SEPTIN9: variants seen among roughly 807,000 people sequenced by gnomAD.
SEPTIN9 encodes septin-9.
Under a neutral mutation model 56.6 loss-of-function variants are expected in SEPTIN9, and 13 were observed. The observed-to-expected ratio is 0.23, with a 90% confidence interval of 0.15 to 0.37. SEPTIN9 has a LOEUF of 0.37. SEPTIN9 is among the 10% of genes least tolerant of loss of function. SEPTIN9 has a pLI of 1.00. For synonymous variants in SEPTIN9, 332 were observed against 334.1 expected, an observed-to-expected ratio of 0.99 and a Z score of 0.07; for missense variants, 650 against 823.1, an observed-to-expected ratio of 0.79 and a Z score of 2.57.
At chr17:77,366,751 G>A (rs543664025) in intron 2 of SEPTIN9, among the ~76,000 whole-genome samples, 1 of 152,316 alleles carries the variant, frequency 6.6e-6, no homozygotes, top group South Asian at 2.1e-4. Flanking sequence ...GAGCCAGCAG[G>A]CAGCAGGGCT....
In SEPTIN9 at chr17:77,477,952, C is replaced by T. The variant is rs145282614; in HGVS notation, c.722-4192C>T. Reference sequence around the variant, plus strand: ...AACCGTGTTCGTAGCAGGGCGAGGCCTGGAGGTGCGATGGGGATCTCAACG... The same window carrying T: ...AACCGTGTTCGTAGCAGGGCGAGGCTTGGAGGTGCGATGGGGATCTCAACG... On this transcript the variant is annotated intron_variant, in intron 3 of 11. Coordinates refer to ENST00000427177, the MANE Select transcript of SEPTIN9 (RefSeq NM_001113491.2). Among the ~76,000 whole-genome samples, 1,210 of 152,214 alleles carry T rather than the reference C, an allele frequency of 7.9e-3. 29 individuals are homozygous for T. In the South Asian group the frequency reaches 0.099, roughly 12 times the overall value.
In SEPTIN9 at chr17:77,445,539, TGC is replaced by T. The variant is rs992031430; in HGVS notation, c.722-36603_722-36602del. The T allele has an allele frequency of 2.4e-4, 96 of 393,232 alleles. No homozygotes were observed. The highest frequency in any genetic ancestry group is 6.4e-4 in the Admixed American group (21 of 32,644). 24.4% of individuals were successfully genotyped at this position (393,232 alleles called of 1,614,324 possible). On this transcript the variant is annotated intron_variant, in intron 3 of 11. Coordinates refer to ENST00000427177, the MANE Select transcript of SEPTIN9 (RefSeq NM_001113491.2). This position sits in a 1 kb window ranked among gnomAD's most constrained non-coding sequence, Gnocchi z 4.7. ...GTGTGCACGCACGTGTGTGTGTGTG[TGC>T]GTGCGTGCTGGGTGGGTAGGGAGGA...
At chr17:77,498,389 C>G in intron 11 of SEPTIN9, 134 bp from the exon 12 acceptor site, 1 of 648,872 alleles carries the variant, frequency 1.5e-6, no homozygotes, top group Admixed American at 2.8e-5. Context: ...CATGGGGAGC[C>G]AAGCAGTCGG....
In SEPTIN9 at chr17:77,480,157, AC is replaced by A. The variant is rs562073415; in HGVS notation, c.722-1980del. 4.4e-4 allele frequency among the ~76,000 whole-genome samples: 67 copies of A among 151,144 alleles called. 1 individual carries two copies. The South Asian group carries it at 0.012, about 27-fold the overall frequency. ...TGCTCTCAGCAGTGGAGATGTGTGG[AC>A]CCCCCCTTGGCATTTCCCAACAAGG... On this transcript the variant is annotated intron_variant, in intron 3 of 11. Coordinates refer to ENST00000427177, the MANE Select transcript of SEPTIN9 (RefSeq NM_001113491.2).
Position 77,499,892 on chromosome 17 carries a change from G to A in SEPTIN9, c.*1234G>A, listed in dbSNP as rs944372340. The A allele has an allele frequency of 2.1e-5, 6 of 281,366 alleles. No homozygotes were observed. The highest frequency in any genetic ancestry group is 1.1e-4 in the African/African-American group (5 of 46,698). 17.4% of individuals were successfully genotyped at this position (281,366 alleles called of 1,614,324 possible). ...AACGAACCCCTAGAAAGGAGAGAACGGGCGTCAGGGGTGCACAGTCCACAG... is the reference window on the plus strand; with the variant it reads ...AACGAACCCCTAGAAAGGAGAGAACAGGCGTCAGGGGTGCACAGTCCACAG... On this transcript the variant is annotated 3_prime_UTR_variant, in exon 12 of 12. Transcript: ENST00000427177.
At chr17:77,392,282 G>T (rs2035566684) in intron 2 of SEPTIN9, among the ~76,000 whole-genome samples, 3 of 152,176 alleles carry the variant, frequency 2.0e-5, no homozygotes, top group African/African-American at 2.4e-5. Context: ...AGAGAAAGAA[G>T]CCTCCTCCTA....
intron 8 of SEPTIN9, 145 bp downstream of exon 8, chr17:77,491,004 T>A: frequency 1.4e-6 from 1 of 698,486 alleles, no homozygotes; most frequent in Non-Finnish European, 2.5e-6. Flanking sequence ...GCTGGCCTGG[T>A]GGTCCCTGGC....
chr17:77,430,597 T>G (rs977100831), intron 3 of SEPTIN9, among the ~76,000 whole-genome samples: 2 of 152,226 alleles, frequency 1.3e-5, no homozygotes, highest in African/African-American at 4.8e-5. Context: ...CCTAGCCACT[T>G]GGAGCTGCCT....
At position 77,460,323 on chromosome 17, in the gene SEPTIN9, G is replaced by A. The variant is rs145013709; in HGVS notation, c.722-21821G>A. Among the ~76,000 whole-genome samples the A allele has an allele frequency of 1.4e-3, 213 of 152,274 alleles. 2 individuals carry two copies. Among genetic ancestry groups the A allele is most frequent in the African/African-American group, 4.5e-3 (189 of 41,556 alleles). On this transcript the variant is annotated intron_variant, in intron 3 of 11. Transcript: ENST00000427177. Reference sequence around the variant, plus strand: ...AGTGGGAGTGCGGGAAGGCCCCTACGTTGTGTGTGCCGTGCTGGGCTGGCT... The same window carrying A: ...AGTGGGAGTGCGGGAAGGCCCCTACATTGTGTGTGCCGTGCTGGGCTGGCT...
At chr17:77,281,628 G>C (rs2031027024) in intron 1 of SEPTIN9, 74 bp downstream of exon 1, 1 of 1,424,776 alleles carries the variant, frequency 7.0e-7, no homozygotes, top group Non-Finnish European at 9.4e-7. Flanking sequence ...GCCTGCGGCC[G>C]GGAGTGGCGA....
chr17:77,357,211 A>G (rs2034283746), intron 2 of SEPTIN9, among the ~76,000 whole-genome samples: 1 of 152,262 alleles, frequency 6.6e-6, no homozygotes, highest in Non-Finnish European at 1.5e-5. Flanking sequence ...GCTTGAAGAC[A>G]CATGCGCTCA....
In SEPTIN9 at chr17:77,371,694, G is replaced by A. The variant is rs772334495; in HGVS notation, c.77-30365G>A. On this transcript the variant is annotated intron_variant, in intron 2 of 11. Transcript: ENST00000427177. The surrounding 1 kb of genome is among the most constrained non-coding windows in gnomAD (Gnocchi z 4.1). ...TACCCTGGCCTGGCGTGGAAGATAC[G>A]GGGTGCTATTAATGGCAGCAATGGC... 1.7e-4 allele frequency among the ~76,000 whole-genome samples: 26 copies of A among 152,284 alleles called. No individual in the cohort carries two copies. Among genetic ancestry groups the A allele is most frequent in the South Asian group, 8.3e-4 (4 of 4,828 alleles).
chr17:77,492,876 C>T lies in SEPTIN9; in HGVS notation c.1477-104C>T, dbSNP rs1433037498. ...CCCAGTGCTGTCAGGCTGAGGCTCT[C>T]GTTTTTGGGGGACCCCAGGCTCAGG... On this transcript the variant is annotated intron_variant, in intron 9 of 11. Transcript: ENST00000427177. The surrounding 1 kb of genome is among the most constrained non-coding windows in gnomAD (Gnocchi z 5.4). The T allele has an allele frequency of 1.3e-5, 16 of 1,260,160 alleles. No homozygotes were observed. The East Asian group carries it at 2.0e-4, about 15-fold the overall frequency. 78.1% of individuals were successfully genotyped at this position (1,260,160 alleles called of 1,614,324 possible).
chr17:77,349,032 A>G (rs1409901887), intron 2 of SEPTIN9, among the ~76,000 whole-genome samples: 2 of 152,126 alleles, frequency 1.3e-5, no homozygotes, highest in African/African-American at 4.8e-5. Flanking sequence ...GTTTGCAGAC[A>G]GCTAATTCCC....
rs1191426521 is a variant in SEPTIN9, at chr17:77,307,210, C to T, written c.76+13C>T. The T allele has an allele frequency of 6.2e-7, 1 of 1,612,806 alleles. No individual in the cohort carries two copies. Among genetic ancestry groups the T allele is most frequent in the Admixed American group, 1.7e-5 (1 of 60,030 alleles). On this transcript the variant is annotated intron_variant, in intron 2 of 11. Coordinates refer to ENST00000427177, the MANE Select transcript of SEPTIN9 (RefSeq NM_001113491.2). ...TCCAGTGGCCCAGGTAGGTGGCTCG[C>T]TCCGCTCTGGCCCCACCCAGCTCAT...
intron 3 of SEPTIN9, among the ~76,000 whole-genome samples, chr17:77,403,434 C>T (rs538177733): frequency 3.5e-4 from 54 of 152,186 alleles, no homozygotes; most frequent in Non-Finnish European, 6.8e-4. Flanking sequence ...GCTCCAGCAG[C>T]GTCCTGGGAG....
intron 2 of SEPTIN9, among the ~76,000 whole-genome samples, chr17:77,397,371 T>C (rs1466043812): frequency 1.3e-5 from 2 of 152,052 alleles, no homozygotes; most frequent in Non-Finnish European, 2.9e-5. Flanking sequence ...CTTTCTCCTA[T>C]AAGGACACCG....
chr17:77,325,586 G>A (rs1462299023), intron 2 of SEPTIN9, among the ~76,000 whole-genome samples: 5 of 152,182 alleles, frequency 3.3e-5, no homozygotes, highest in African/African-American at 4.8e-5. Context: ...CCTGCCCTGC[G>A]GACATGCCCC....
At chr17:77,407,436 C>T (rs898339767) in intron 3 of SEPTIN9, among the ~76,000 whole-genome samples, 1 of 151,922 alleles carries the variant, frequency 6.6e-6, no homozygotes, top group Non-Finnish European at 1.5e-5. Context: ...TGTAGTGACC[C>T]CCATGGGTCG....
Sources: gnomAD v4.1 joint callset for allele counts (sites outside exome capture counted in the v4.1 genomes callset) on GRCh38, gnomAD v4.1.1 for gene constraint, Gnocchi (gnomAD v3.1) non-coding constraint, MANE v1.5 for transcripts, NCBI Gene and HGNC (gene_info 2026-07-23, HGNC 2026-07-21) for gene names.